AKAP12: variants seen among roughly 807,000 people sequenced by gnomAD.
AKAP12 encodes A-kinase anchoring protein 12, also known as A-kinase anchor protein 12.
A neutral mutation model predicts 79.9 loss-of-function variants in AKAP12; 32 were observed. The ratio of observed to expected loss-of-function variants is 0.40; its 90% CI spans 0.30 to 0.54. AKAP12 has a LOEUF of 0.54. Ranked by LOEUF, AKAP12 falls within the 20% of genes least tolerant of loss-of-function variation. The pLI is 0.48. For synonymous variants in AKAP12, 808 were observed against 857.0 expected, an observed-to-expected ratio of 0.94 and a Z score of 1.00; for missense variants, 2,074 against 2,177.0, an observed-to-expected ratio of 0.95 and a Z score of 0.94.
chr6:151,316,177 G>A (rs531086851), intron 3 of AKAP12, among the ~76,000 whole-genome samples: 4 of 152,144 alleles, frequency 2.6e-5, no homozygotes, highest in South Asian at 2.1e-4. Context: ...ATCATGCTTC[G>A]AATTGTTTTC....
intron 2 of AKAP12, among the ~76,000 whole-genome samples, chr6:151,301,092 C>T (rs1776855266): frequency 6.6e-6 from 1 of 152,148 alleles, no homozygotes; most frequent in Admixed American, 6.5e-5. Context: ...ACTTTCCTCC[C>T]TGAAATGGGT....
At chr6:151,278,495 C>T (rs1461321101) in intron 2 of AKAP12, among the ~76,000 whole-genome samples, 3 of 152,164 alleles carry the variant, frequency 2.0e-5, no homozygotes, top group Non-Finnish European at 4.4e-5. Flanking sequence ...GGATTACAGG[C>T]TTGAGCCACC....
rs3029381 is a variant in AKAP12 at position 151,348,324 on chromosome 6, CAAAAAA to C, written c.320-373_320-368del. The C allele has an allele frequency of 2.2e-3, 876 of 392,954 alleles. 1 individual carries two copies. The highest frequency in any genetic ancestry group is 2.6e-3 in the Admixed American group (90 of 34,588). 24.3% of individuals were successfully genotyped at this position (392,954 alleles called of 1,614,324 possible). A position where few individuals can be genotyped will look rare whatever the true frequency, so the allele number is the denominator to read the frequency against. On this transcript the variant is annotated intron_variant, in intron 3 of 4. Coordinates refer to ENST00000402676, the MANE Select transcript of AKAP12 (RefSeq NM_005100.4). Reference sequence around the variant, plus strand: ...TGGGCGACAGAGTGAGACTCTGTCTCAAAAAAAAAAAAAAAAAAAGTTAATTTTCTT... The same window carrying C: ...TGGGCGACAGAGTGAGACTCTGTCTCAAAAAAAAAAAAAGTTAATTTTCTT...
intron 3 of AKAP12, among the ~76,000 whole-genome samples, chr6:151,345,595 G>A (rs1232553496): frequency 2.0e-5 from 3 of 150,684 alleles, no homozygotes; most frequent in East Asian, 2.0e-4. Flanking sequence ...AGGAGTTCTC[G>A]AGACCAGCCT....
chr6:151,294,148 A>G (rs1371093396), intron 2 of AKAP12, among the ~76,000 whole-genome samples: 1 of 151,792 alleles, frequency 6.6e-6, no homozygotes, highest in African/African-American at 2.4e-5. Flanking sequence ...TAATTTTTGT[A>G]TTTTTAGTAG....
intron 2 of AKAP12, among the ~76,000 whole-genome samples, chr6:151,278,060 C>G (rs150575970): frequency 2.4e-3 from 371 of 152,030 alleles, no homozygotes; most frequent in African/African-American, 8.4e-3. Flanking sequence ...TATTTAAAAT[C>G]TACAATGATG....
At chr6:151,288,432 A>G (rs1173303523) in intron 2 of AKAP12, among the ~76,000 whole-genome samples, 2 of 151,720 alleles carry the variant, frequency 1.3e-5, no homozygotes, top group Non-Finnish European at 1.5e-5. Flanking sequence ...GGCAGGTTGA[A>G]CCCCGGGAGG....
intron 2 of AKAP12, among the ~76,000 whole-genome samples, chr6:151,255,904 GTCTT>G (rs2114691179): frequency 6.6e-6 from 1 of 152,322 alleles, no homozygotes; most frequent in African/African-American, 2.4e-5. Flanking sequence ...TGAACTTGGG[GTCTT>G]TCTTTGCTGC....
At chr6:151,333,282 A>G (rs985071793) in intron 3 of AKAP12, among the ~76,000 whole-genome samples, 3 of 151,862 alleles carry the variant, frequency 2.0e-5, no homozygotes, top group African/African-American at 7.3e-5. Context: ...CCTCTTATCA[A>G]TCACTCCCTT....
chr6:151,269,629 G>T (rs1370758732), intron 2 of AKAP12, among the ~76,000 whole-genome samples: 1 of 152,128 alleles, frequency 6.6e-6, no homozygotes, highest in East Asian at 1.9e-4. Flanking sequence ...AGATATCTCT[G>T]GATCACTTTG....
Position 151,350,690 on chromosome 6 carries a change from A to G in AKAP12, c.2299A>G (p.Thr767Ala), listed in dbSNP as rs745866804. 6.2e-6 allele frequency: 10 copies of G among 1,613,752 alleles called. No homozygotes were observed. Among genetic ancestry groups the G allele is most frequent in the Non-Finnish European group, 7.6e-6 (9 of 1,179,938 alleles). ...CTGGGAGTCATTTAAAAGGTTAGTC[A>G]CGCCAAGAAAAAAATCAAAGTCCAA... ...STWESFKRLV[T>A]PRKKSKSKLE... Residue 767 changes from threonine to alanine, a missense_variant, in exon 4 of 5, where the codon ACG becomes GCG. Coordinates refer to ENST00000402676, the MANE Select transcript of AKAP12 (RefSeq NM_005100.4). This position sits in a 1 kb window ranked among gnomAD's most constrained non-coding sequence, Gnocchi z 4.8.
intron 3 of AKAP12, among the ~76,000 whole-genome samples, chr6:151,311,649 T>C (rs1319283393): frequency 6.6e-6 from 1 of 152,220 alleles, no homozygotes; most frequent in Non-Finnish European, 1.5e-5. Context: ...CCCCCAGATA[T>C]AGTAACAAAT....
chr6:151,265,942 T>C (rs538961823), intron 2 of AKAP12, among the ~76,000 whole-genome samples: 85 of 152,342 alleles, frequency 5.6e-4, no homozygotes, highest in Non-Finnish European at 1.1e-3. Flanking sequence ...GTTGGTCTTT[T>C]TGTTGTTGTT....
rs937120382 is a variant in AKAP12, at chr6:151,356,220, C to T, written c.*506C>T. The T allele has an allele frequency of 6.6e-6, 1 of 152,472 alleles. No homozygotes were observed. Among genetic ancestry groups the T allele is most frequent in the African/African-American group, 2.4e-5 (1 of 41,370 alleles). The allele number at this position is 152,472 out of a possible 1,614,324, so 9.4% of individuals were successfully genotyped here. On this transcript the variant is annotated 3_prime_UTR_variant, in exon 5 of 5. Coordinates refer to ENST00000402676, the MANE Select transcript of AKAP12 (RefSeq NM_005100.4). Reference sequence around the variant, plus strand: ...GAGCTTTAAGCCTCAGTTATATAACCCACGAAAAACAGAGCCTCCTAGATG... The same window carrying T: ...GAGCTTTAAGCCTCAGTTATATAACTCACGAAAAACAGAGCCTCCTAGATG...
chr6:151,277,427 A>G (rs917128082), intron 2 of AKAP12, among the ~76,000 whole-genome samples: 4 of 152,208 alleles, frequency 2.6e-5, no homozygotes, highest in Admixed American at 2.6e-4. Flanking sequence ...TTTAAGTGCA[A>G]AATGGATGGT....
At chr6:151,346,732 G>A (rs977693071) in intron 3 of AKAP12, among the ~76,000 whole-genome samples, 3 of 152,130 alleles carry the variant, frequency 2.0e-5, no homozygotes, top group Non-Finnish European at 2.9e-5. Context: ...CTGAATGTAC[G>A]TTTCCTGACA....
intron 3 of AKAP12, 32 bp from the exon 4 acceptor site, chr6:151,348,679 C>CTCA: frequency 2.8e-6 from 1 of 353,442 alleles, no homozygotes; most frequent in Non-Finnish European, 5.6e-6. Flanking sequence ...CTTTTCTCTT[C>CTCA]TCCCCACCCC....
chr6:151,354,171 A>C (rs73620938), intron 4 of AKAP12, among the ~76,000 whole-genome samples: 4,456 of 152,102 alleles, frequency 0.029, 185 homozygotes, highest in African/African-American at 0.099. Flanking sequence ...AACAAACAAA[A>C]AAAACTAGTG....
chr6:151,312,129 T>C (rs1777119173), intron 3 of AKAP12, among the ~76,000 whole-genome samples: 1 of 152,210 alleles, frequency 6.6e-6, no homozygotes, highest in African/African-American at 2.4e-5. Flanking sequence ...CACCAGTTGT[T>C]AACATCTGGC....
Sources: gnomAD v4.1 joint callset for allele counts (sites outside exome capture counted in the v4.1 genomes callset) on GRCh38, gnomAD v4.1.1 for gene constraint, Gnocchi (gnomAD v3.1) non-coding constraint, MANE v1.5 for transcripts, NCBI Gene and HGNC (gene_info 2026-07-23, HGNC 2026-07-21) for gene names.